STAC: variants seen among roughly 807,000 people sequenced by gnomAD.
The protein encoded by STAC is SH3 and cysteine rich domain.
STAC carries 43 observed loss-of-function variants against 48.8 expected under a neutral mutation model. The observed-to-expected ratio is 0.88, with a 90% CI of 0.69 to 1.14. STAC has a LOEUF of 1.14. Among genes scored for constraint, STAC ranks in the 50% most tolerant of loss-of-function variants. The probability of loss-of-function intolerance (pLI) is 0.00; values close to 1 mark genes in which losing one functional copy is unlikely to be tolerated. For missense variants in STAC, 497 were observed against 504.0 expected, an observed-to-expected ratio of 0.99 and a Z score of 0.13; for synonymous variants, 193 against 179.5, an observed-to-expected ratio of 1.07 and a Z score of -0.60.
At chr3:36,517,098 A>G (rs989353692) in intron 8 of STAC, among the ~76,000 whole-genome samples, 5 of 152,174 alleles carry the variant, frequency 3.3e-5, no homozygotes, top group African/African-American at 1.2e-4. Context: ...ATGAAATTTT[A>G]TCACTGATAC....
chr3:36,497,717 G>T (rs932231667), intron 6 of STAC, among the ~76,000 whole-genome samples: 2 of 151,624 alleles, frequency 1.3e-5, no homozygotes, highest in Non-Finnish European at 2.9e-5. Context: ...GAGAGGAAAG[G>T]AAAGAAAGAA....
intron 1 of STAC, among the ~76,000 whole-genome samples, chr3:36,432,152 C>T (rs537986003): frequency 2.3e-3 from 352 of 152,302 alleles, no homozygotes; most frequent in Non-Finnish European, 4.5e-3. Flanking sequence ...GAGTGCCAGA[C>T]ACCTTGCCAG....
At chr3:36,544,477 T>C (rs919993032) in intron 10 of STAC, among the ~76,000 whole-genome samples, 1 of 150,974 alleles carries the variant, frequency 6.6e-6, no homozygotes, top group African/African-American at 2.4e-5. Flanking sequence ...GCCAGGTGTC[T>C]GCATTTATTT....
At chr3:36,494,634 G>A (rs1698087465) in intron 6 of STAC, among the ~76,000 whole-genome samples, 1 of 152,178 alleles carries the variant, frequency 6.6e-6, no homozygotes, top group Admixed American at 6.5e-5. Flanking sequence ...AAGTGCCAGT[G>A]TTCACCATGC....
At position 36,504,384 on chromosome 3, in the gene STAC, C is replaced by A; in HGVS notation, c.767-9C>A. 1 of 1,612,192 alleles carries A rather than the reference C, an allele frequency of 6.2e-7. No homozygotes were observed. Among genetic ancestry groups the A allele is most frequent in the South Asian group, 1.1e-5 (1 of 90,922 alleles). ...TCATAGAGCACCTGCTTTCTCTTGT[C>A]TCCTTCAGTGTTTACATATCCAGAA... On this transcript the variant is annotated splice_polypyrimidine_tract_variant and intron_variant, in intron 6 of 10. Transcript: ENST00000273183.
At chr3:36,534,858 G>A (rs1314390175) in intron 10 of STAC, among the ~76,000 whole-genome samples, 1 of 152,032 alleles carries the variant, frequency 6.6e-6, no homozygotes, top group Admixed American at 6.6e-5. Flanking sequence ...TAGAAGTGGG[G>A]TTTTGACATG....
rs1030498963 is a variant in STAC, at chr3:36,547,910, T to G, written c.*1621T>G. 1 of 152,142 alleles carries G rather than the reference T, an allele frequency of 6.6e-6. No individual in the cohort carries two copies. The highest frequency in any genetic ancestry group is 1.5e-5 in the Non-Finnish European group (1 of 68,014). The allele number at this position is 152,142 out of a possible 1,614,324, so 9.4% of individuals were successfully genotyped here. ...GCCAGGGTAGATCATATGACTGCCT[T>G]TCTGTAAAATTGGATGCCTAGTACA... is the stretch of plus-strand genomic sequence containing the variant. On this transcript the variant is annotated 3_prime_UTR_variant, in exon 11 of 11. Transcript: ENST00000273183.
At chr3:36,480,783 T>C (rs1362308119) in intron 2 of STAC, among the ~76,000 whole-genome samples, 3 of 152,162 alleles carry the variant, frequency 2.0e-5, no homozygotes, top group Non-Finnish European at 4.4e-5. Flanking sequence ...CCACGAATTA[T>C]CTCAAACCAG....
At chr3:36,458,485 T>C (rs1483654161) in intron 2 of STAC, among the ~76,000 whole-genome samples, 1 of 152,202 alleles carries the variant, frequency 6.6e-6, no homozygotes, top group Non-Finnish European at 1.5e-5. Flanking sequence ...AAGCCCTGGT[T>C]CGAGCCATGT....
At chr3:36,454,309 G>A (rs1696787092) in intron 2 of STAC, among the ~76,000 whole-genome samples, 1 of 152,070 alleles carries the variant, frequency 6.6e-6, no homozygotes, top group African/African-American at 2.4e-5. Flanking sequence ...CCCACCGGGA[G>A]GAAGGAACAA....
At chr3:36,425,799 G>C (rs79789677) in intron 1 of STAC, among the ~76,000 whole-genome samples, 15,657 of 152,270 alleles carry the variant, frequency 0.1, 1,053 homozygotes, top group Non-Finnish European at 0.15. Flanking sequence ...GCCAACGCAG[G>C]GGGGATGGCT....
chr3:36,533,336 G>C (rs1371443645), intron 10 of STAC, among the ~76,000 whole-genome samples: 1 of 152,034 alleles, frequency 6.6e-6, no homozygotes, highest in Non-Finnish European at 1.5e-5. Flanking sequence ...TTGATTCCAT[G>C]CCAACACTTC....
intron 1 of STAC, among the ~76,000 whole-genome samples, chr3:36,388,625 T>A (rs1429033723): frequency 6.6e-6 from 1 of 152,018 alleles, no homozygotes; most frequent in African/African-American, 2.4e-5. Context: ...TTTGCTTTTA[T>A]CATTTTCATC....
chr3:36,465,795 C>T (rs1334375056), intron 2 of STAC, among the ~76,000 whole-genome samples: 1 of 152,104 alleles, frequency 6.6e-6, no homozygotes, highest in Admixed American at 6.5e-5. Flanking sequence ...GGCTGGGAGG[C>T]TAGGCCCATC....
rs1218425208 is a variant in STAC, at chr3:36,528,824, T to G, written c.973-24T>G. 2.5e-6 allele frequency: 4 copies of G among 1,609,830 alleles called. No homozygotes were observed. The Admixed American group carries it at 5.0e-5, about 20-fold the overall frequency. On this transcript the variant is annotated intron_variant, in intron 9 of 10. Transcript: ENST00000273183. ...TTATAATACATGCTACAATTGTGGA[T>G]GCATGCCTCCTTTTTCCTTTCAGGG...
chr3:36,407,985 T>C (rs1700117712), intron 1 of STAC, among the ~76,000 whole-genome samples: 1 of 152,222 alleles, frequency 6.6e-6, no homozygotes, highest in Non-Finnish European at 1.5e-5. Context: ...CCAGTTTTCA[T>C]GTTAACCACA....
intron 1 of STAC, among the ~76,000 whole-genome samples, chr3:36,401,035 T>C (rs1286563237): frequency 6.6e-6 from 1 of 152,210 alleles, no homozygotes; most frequent in South Asian, 2.1e-4. Flanking sequence ...AGGCAAAGGA[T>C]GTCGGCTTCA....
intron 2 of STAC, among the ~76,000 whole-genome samples, chr3:36,478,395 T>C (rs886305246): frequency 5.3e-5 from 8 of 152,260 alleles, no homozygotes; most frequent in Non-Finnish European, 1.2e-4. Flanking sequence ...TTTTACTTCC[T>C]AAACATTTCA....
intron 2 of STAC, among the ~76,000 whole-genome samples, chr3:36,447,813 T>C (rs1224326561): frequency 1.3e-5 from 2 of 152,168 alleles, no homozygotes; most frequent in African/African-American, 4.8e-5. Flanking sequence ...TAGAATGAAA[T>C]TGAATCTCTG....
Sources: gnomAD v4.1 joint callset for allele counts (sites outside exome capture counted in the v4.1 genomes callset) on GRCh38, gnomAD v4.1.1 for gene constraint, MANE v1.5 for transcripts, NCBI Gene and HGNC (gene_info 2026-07-23, HGNC 2026-07-21) for gene names.